SNAPC3: variants seen among roughly 807,000 people sequenced by gnomAD.
The protein encoded by SNAPC3 is small nuclear RNA activating complex polypeptide 3.
A neutral mutation model predicts 47.7 loss-of-function variants in SNAPC3; 56 were observed. That is an observed-to-expected ratio of 1.18 (90% CI 0.95 to 1.47). The LOEUF is 1.47. SNAPC3 is among the 40% of genes most tolerant of loss of function. The pLI is 0.00. For missense variants in SNAPC3, 665 were observed against 511.3 expected, an observed-to-expected ratio of 1.30 and a Z score of -2.90; for synonymous variants, 235 against 189.9, an observed-to-expected ratio of 1.24 and a Z score of -1.95.
rs533064073 is a variant in SNAPC3, at chr9:15,459,589, A to T, written c.1089-130A>T. On this transcript the variant is annotated intron_variant, in intron 8 of 8. Coordinates refer to ENST00000380821, the MANE Select transcript of SNAPC3 (RefSeq NM_001039697.2). Reference sequence around the variant, plus strand: ...GTATCTATGTATACAAAATTAAGGGATTATTATGCATTAATAACAGACTGA... The same window carrying T: ...GTATCTATGTATACAAAATTAAGGGTTTATTATGCATTAATAACAGACTGA... The T allele has an allele frequency of 1.4e-3, 938 of 680,622 alleles. 7 individuals carry two copies. The highest frequency in any genetic ancestry group is 8.1e-3 in the South Asian group (396 of 48,768). 42.2% of individuals were successfully genotyped at this position (680,622 alleles called of 1,614,324 possible).
intron 3 of SNAPC3, among the ~76,000 whole-genome samples, chr9:15,442,285 G>A (rs1193612156): frequency 1.3e-5 from 2 of 149,234 alleles, no homozygotes; most frequent in Non-Finnish European, 1.5e-5. Context: ...GCGGCTGGCC[G>A]GGCGGGGGCT....
At position 15,459,874 on chromosome 9, in the gene SNAPC3, T is replaced by A; in HGVS notation, c.*8T>A. 2 of 1,602,348 alleles carry A rather than the reference T, an allele frequency of 1.2e-6. No homozygotes were observed. The highest frequency in any genetic ancestry group is 1.7e-6 in the Non-Finnish European group (2 of 1,176,322). ...CCTGGAACCTTTAATTAAGAATAGC[T>A]ACACTCACAAAAATACCCCCTCATG... On this transcript the variant is annotated 3_prime_UTR_variant, in exon 9 of 9. Coordinates refer to ENST00000380821, the MANE Select transcript of SNAPC3 (RefSeq NM_001039697.2).
intron 3 of SNAPC3, among the ~76,000 whole-genome samples, chr9:15,443,414 A>G (rs2033669727): frequency 6.6e-6 from 1 of 152,016 alleles, no homozygotes; most frequent in South Asian, 2.1e-4. Context: ...TGAGAACTAG[A>G]CATTCTAGGT....
rs1375177973 is a variant in SNAPC3 at position 15,437,414 on chromosome 9, G to T, written c.477+3778G>T. Among the ~76,000 whole-genome samples the T allele has an allele frequency of 2.0e-5, 3 of 151,972 alleles. No homozygotes were observed. The East Asian group carries it at 5.8e-4, about 29-fold the overall frequency. Reference sequence around the variant, plus strand: ...TGCCTGGCTACTTTTTGTATTTTTAGTAGACACAGAGTTTCACCATGTTGG... The same window carrying T: ...TGCCTGGCTACTTTTTGTATTTTTATTAGACACAGAGTTTCACCATGTTGG... On this transcript the variant is annotated intron_variant, in intron 3 of 8. Transcript: ENST00000380821.
In SNAPC3 at chr9:15,423,896, C is replaced by G; in HGVS notation, c.315-13C>G. ...AGTCGACCTTAAAGTATTGCTTTTC[C>G]TTTTTGTTTTAGCCTTGATAAACTG... On this transcript the variant is annotated splice_polypyrimidine_tract_variant and intron_variant, in intron 1 of 8. Transcript: ENST00000380821. The G allele has an allele frequency of 6.5e-7, 1 of 1,529,986 alleles. No individual in the cohort carries two copies. Among genetic ancestry groups the G allele is most frequent in the Non-Finnish European group, 8.8e-7 (1 of 1,135,738 alleles). The allele number at this position is 1,529,986 out of a possible 1,614,324, so 94.8% of individuals were successfully genotyped here. A position where few individuals can be genotyped will look rare whatever the true frequency, so the allele number is the denominator to read the frequency against.
intron 3 of SNAPC3, among the ~76,000 whole-genome samples, chr9:15,435,050 A>G (rs925126476): frequency 6.6e-6 from 1 of 152,080 alleles, no homozygotes; most frequent in Non-Finnish European, 1.5e-5. Flanking sequence ...GAAGGTTCCA[A>G]TTTCTCCATG....
At chr9:15,444,780 A>T (rs2033793026) in intron 4 of SNAPC3, 74 bp downstream of exon 4, 1 of 790,532 alleles carries the variant, frequency 1.3e-6, no homozygotes, top group Non-Finnish European at 2.1e-6. Context: ...TTGAAGAGTC[A>T]TATTCCTATG....
Position 15,457,912 on chromosome 9 carries a change from C to A in SNAPC3, c.981-48C>A. 2.8e-6 allele frequency: 3 copies of A among 1,089,592 alleles called. No individual in the cohort carries two copies. In the South Asian group the frequency reaches 4.4e-5, roughly 16 times the overall value. The allele number at this position is 1,089,592 out of a possible 1,614,324, so 67.5% of individuals were successfully genotyped here. ...TATTTAATAGCTCATAAAAATTTGTCACTTAATATTTGTCACCTTAATATC... is the reference window on the plus strand; with the variant it reads ...TATTTAATAGCTCATAAAAATTTGTAACTTAATATTTGTCACCTTAATATC... On this transcript the variant is annotated intron_variant, in intron 7 of 8. Transcript: ENST00000380821.
chr9:15,434,292 C>T lies in SNAPC3; in HGVS notation c.477+656C>T, dbSNP rs537959004. Among the ~76,000 whole-genome samples, 76 of 152,276 alleles carry T rather than the reference C, an allele frequency of 5.0e-4. 2 individuals are homozygous for T. The South Asian group carries it at 0.015, about 31-fold the overall frequency. On this transcript the variant is annotated intron_variant, in intron 3 of 8. Transcript: ENST00000380821. ...ATTCCATACCTGTTAAGCAATAACTCACCAGTTTTCCCTCCTGCAGCCCCT... is the reference window on the plus strand; with the variant it reads ...ATTCCATACCTGTTAAGCAATAACTTACCAGTTTTCCCTCCTGCAGCCCCT...
intron 3 of SNAPC3, among the ~76,000 whole-genome samples, chr9:15,439,544 G>GT (rs995805242): frequency 1.4e-4 from 21 of 151,308 alleles, no homozygotes; most frequent in East Asian, 7.8e-4. Flanking sequence ...GGATTACTTT[G>GT]TTTTTTTTGA....
chr9:15,425,827 C>G (rs1056892322), intron 2 of SNAPC3, among the ~76,000 whole-genome samples: 1 of 152,158 alleles, frequency 6.6e-6, no homozygotes, highest in Admixed American at 6.5e-5. Flanking sequence ...TGTAGTGGCT[C>G]ACAAAGGCCT....
At chr9:15,435,617 G>C (rs1030547673) in intron 3 of SNAPC3, among the ~76,000 whole-genome samples, 53 of 151,606 alleles carry the variant, frequency 3.5e-4, no homozygotes, top group Admixed American at 5.9e-4. Flanking sequence ...TGTAATCCCA[G>C]CTACTCTGGA....
At chr9:15,439,889 C>G (rs2033171109) in intron 3 of SNAPC3, among the ~76,000 whole-genome samples, 1 of 152,180 alleles carries the variant, frequency 6.6e-6, no homozygotes, top group African/African-American at 2.4e-5. Flanking sequence ...ATACACAGTC[C>G]TCAACCTACT....
At chr9:15,451,683 A>G (rs2034398438) in intron 6 of SNAPC3, among the ~76,000 whole-genome samples, 2 of 152,178 alleles carry the variant, frequency 1.3e-5, no homozygotes, top group African/African-American at 4.8e-5. Context: ...CAGCCTGGGT[A>G]ATATAGCAAG....
At chr9:15,466,622 C>T (rs1039409900), downstream of SNAPC3, 1 of 670,646 alleles carries the variant, frequency 1.5e-6, no homozygotes, top group Non-Finnish European at 2.4e-6. Flanking sequence ...AACTTGCTTA[C>T]TGAATTCAGG....
chr9:15,462,997 G>A (rs1003446112), downstream of SNAPC3: 2 of 152,114 alleles, frequency 1.3e-5, no homozygotes, highest in Non-Finnish European at 2.9e-5. Flanking sequence ...CCAGGTAAGT[G>A]TATGAGTAGG....
intron 2 of SNAPC3, among the ~76,000 whole-genome samples, chr9:15,425,049 A>T (rs191161423): frequency 6.6e-6 from 1 of 152,284 alleles, no homozygotes; most frequent in East Asian, 1.9e-4. Context: ...CTATGGCCCT[A>T]CATCTCCTAT....
intron 4 of SNAPC3, 67 bp from the exon 5 acceptor site, chr9:15,447,028 C>T: frequency 7.4e-7 from 1 of 1,355,736 alleles, no homozygotes; most frequent in South Asian, 1.2e-5. Flanking sequence ...TTGATCTAGT[C>T]ATGACAGGAT....
chr9:15,426,800 G>A (rs1336279416), intron 2 of SNAPC3, among the ~76,000 whole-genome samples: 1 of 152,126 alleles, frequency 6.6e-6, no homozygotes, highest in Non-Finnish European at 1.5e-5. Flanking sequence ...AACAGGATTT[G>A]TGGGTAGAAT....
Sources: gnomAD v4.1 joint callset for allele counts (sites outside exome capture counted in the v4.1 genomes callset) on GRCh38, gnomAD v4.1.1 for gene constraint, MANE v1.5 for transcripts, NCBI Gene and HGNC (gene_info 2026-07-23, HGNC 2026-07-21) for gene names.